XRCC3: variants seen among roughly 807,000 people sequenced by gnomAD.
XRCC3 encodes X-ray repair cross complementing 3.
Under a neutral mutation model 29.2 loss-of-function variants are expected in XRCC3, and 34 were observed. The ratio of observed to expected loss-of-function variants is 1.16; its 90% confidence interval spans 0.88 to 1.55. The LOEUF is 1.55. Among genes scored for constraint, XRCC3 ranks in the 40% most tolerant of loss-of-function variants. The pLI is 0.00. For missense variants in XRCC3, 463 were observed against 467.6 expected (o/e 0.99, Z 0.09); for synonymous variants, 223 against 211.3 (o/e 1.06, Z -0.48).
Position 103,699,156 on chromosome 14 carries a change from C to A in XRCC3, c.798G>T (p.Gln266His). 6.4e-7 allele frequency: 1 copy of A among 1,570,954 alleles called. No individual in the cohort carries two copies. Among genetic ancestry groups the A allele is most frequent in the East Asian group, 2.3e-5 (1 of 42,736 alleles). ...ACCCCAGCGGCCCGTGTGCTGCGCCCTGCTCCTCCATGGCCTCTGTCACCT... is the reference window on the plus strand; with the variant it reads ...ACCCCAGCGGCCCGTGTGCTGCGCCATGCTCCTCCATGGCCTCTGTCACCT... ...INQVTEAMEE[Q>H]GAAHGPLGFW... The change falls in exon 9 of 10, where the codon CAG (glutamine) becomes CAT (histidine). Residue 266 changes from glutamine (Q) to histidine (H), a missense_variant. Physicochemically the swap from Gln to His is conservative, Grantham distance 24. Coordinates refer to ENST00000555055, the MANE Select transcript of XRCC3 (RefSeq NM_005432.4).
intron 7 of XRCC3, chr14:103,700,841 GC>G: frequency 1.2e-6 from 1 of 844,826 alleles, no homozygotes; most frequent in Non-Finnish European, 1.8e-6. Flanking sequence ...GCTGCTAGCT[GC>G]CAGGCTGGGC....
Position 103,711,071 on chromosome 14 carries a change from A to C in XRCC3, c.17T>G (p.Leu6Arg). 1.2e-6 allele frequency: 2 copies of C among 1,614,230 alleles called. No individual in the cohort carries two copies. Among genetic ancestry groups the C allele is most frequent in the Non-Finnish European group, 1.7e-6 (2 of 1,180,030 alleles). Residue 6 changes from leucine to arginine, a missense_variant, in exon 4 of 10, where the codon CTG (leucine) becomes CGG (arginine). Leu to Arg is a moderately radical substitution (Grantham distance 102). Coordinates refer to ENST00000555055, the MANE Select transcript of XRCC3 (RefSeq NM_005432.4). ...AGCAATAATTCTGGGATTCAGGTCCAGTAGATCCAAATCCATTTTGTCGGT... is the reference window on the plus strand; with the variant it reads ...AGCAATAATTCTGGGATTCAGGTCCCGTAGATCCAAATCCATTTTGTCGGT... MDLDL[L>R]DLNPRIIAAI... is the part of the protein sequence containing the mutation.
chr14:103,708,261 A>AC lies in XRCC3; in HGVS notation c.193+260dup, dbSNP rs2083506610. ...TGCCAAATCCACCCCTGCTTCCTGCACCCCCTCCTCTGGTCCATGGAGCAA... is the reference window on the plus strand; with the variant it reads ...TGCCAAATCCACCCCTGCTTCCTGCACCCCCCTCCTCTGGTCCATGGAGCAA... On this transcript the variant is annotated intron_variant, in intron 5 of 9. Transcript: ENST00000555055. The AC allele has an allele frequency of 1.1e-5, 6 of 536,432 alleles. No individual in the cohort carries two copies. The South Asian group carries it at 1.2e-4, about 11-fold the overall frequency. 33.2% of individuals were successfully genotyped at this position (536,432 alleles called of 1,614,324 possible).
intron 6 of XRCC3, chr14:103,705,040 CAG>C (rs2083385160): frequency 6.6e-6 from 1 of 152,186 alleles, no homozygotes; most frequent in East Asian, 1.9e-4. Flanking sequence ...TTTGCTTTGA[CAG>C]AATTTCAAAC....
In XRCC3 at chr14:103,706,131, G is replaced by C. The variant is rs984049430; in HGVS notation, c.406+872C>G. The C allele has an allele frequency of 8.5e-6, 3 of 352,194 alleles. No individual in the cohort carries two copies. In the Admixed American group the frequency reaches 1.2e-4, roughly 14 times the overall value. The allele number at this position is 352,194 out of a possible 1,614,324, so 21.8% of individuals were successfully genotyped here. The stretch of plus-strand genomic sequence containing the variant: ...CCCTCCACCCGACACGGAGGCTCAG[G>C]AGACCCCTCACCCTCCACCCAGCAC... On this transcript the variant is annotated intron_variant, in intron 6 of 9. Coordinates refer to ENST00000555055, the MANE Select transcript of XRCC3 (RefSeq NM_005432.4).
chr14:103,699,466 G>C lies in XRCC3; in HGVS notation c.672C>G (p.Asp224Glu), dbSNP rs2082919894. 10 of 1,612,932 alleles carry C rather than the reference G, an allele frequency of 6.2e-6. No homozygotes were observed. Among genetic ancestry groups the C allele is most frequent in the Non-Finnish European group, 7.6e-6 (9 of 1,179,984 alleles). The part of the protein sequence containing the change: ...SVAAPFRCEF[D>E]SQASAPRARH... ...TGGCCCTGGGGGCGGAGGCCTGGCTGTCAAATTCACAGCGGAATGGGGCTG... is the reference window on the plus strand; with the variant it reads ...TGGCCCTGGGGGCGGAGGCCTGGCTCTCAAATTCACAGCGGAATGGGGCTG... The change falls in exon 8 of 10, where the codon GAC becomes GAG. Residue 224 changes from aspartate to glutamate, a missense_variant. Transcript: ENST00000555055.
intron 6 of XRCC3, chr14:103,703,763 C>G (rs2083327517): frequency 3.7e-6 from 1 of 272,910 alleles, no homozygotes; most frequent in African/African-American, 2.2e-5. Flanking sequence ...AAGGCCCCCA[C>G]TGAGCAAGCG....
intron 1 of XRCC3, among the ~76,000 whole-genome samples, chr14:103,714,724 G>C (rs1258551286): frequency 6.6e-6 from 1 of 152,116 alleles, no homozygotes. Flanking sequence ...CTGTAGCCCA[G>C]GCTGGAGTGC....
At chr14:103,712,556 C>A in intron 2 of XRCC3, 1 of 152,652 alleles carries the variant, frequency 6.6e-6, no homozygotes, top group Non-Finnish European at 1.5e-5. Flanking sequence ...GGACAGGAGG[C>A]AGCCTGGGGA....
chr14:103,711,787 C>T (rs1032831693), intron 2 of XRCC3: 17 of 446,818 alleles, frequency 3.8e-5, no homozygotes, highest in Middle Eastern at 5.2e-4. Context: ...CCTCCGGCCT[C>T]AGCAGGCTGC....
intron 2 of XRCC3, chr14:103,711,952 G>A: frequency 2.8e-6 from 1 of 351,510 alleles, no homozygotes; most frequent in Non-Finnish European, 5.6e-6. Context: ...ATGTCCTCCA[G>A]TGAGGCCTGG....
At chr14:103,700,961 T>C (rs1178668544) in intron 7 of XRCC3, among the ~76,000 whole-genome samples, 5 of 152,198 alleles carry the variant, frequency 3.3e-5, no homozygotes, top group African/African-American at 9.7e-5. Context: ...GAAGGCTCTG[T>C]GTCCACACCC....
At chr14:103,711,000 CCA>C in intron 4 of XRCC3, 31 bp downstream of exon 4, 1 of 1,611,250 alleles carries the variant, frequency 6.2e-7, no homozygotes, top group South Asian at 1.1e-5. Context: ...ACACACCCAC[CCA>C]CACCCTTTAT....
intron 2 of XRCC3, chr14:103,712,578 G>C (rs574221474): frequency 2.0e-5 from 3 of 152,514 alleles, no homozygotes; most frequent in Non-Finnish European, 4.4e-5. Context: ...TATGAACCTC[G>C]CACCTGGTAG....
At chr14:103,703,016 C>T (rs1567053766) in intron 7 of XRCC3, 157 bp downstream of exon 7, 1 of 1,164,296 alleles carries the variant, frequency 8.6e-7, no homozygotes. Flanking sequence ...CCCACCTGCT[C>T]CTCGGGCGTA....
rs1034510580 is a variant in XRCC3, at chr14:103,698,418, G to A, written c.*380C>T. ...AGGGGGTCTGAGGCCCCAGCCCAGG[G>A]GGCAGGCCTCAGACGCAACCCCAGT... On this transcript the variant is annotated 3_prime_UTR_variant, in exon 10 of 10. Transcript: ENST00000555055. 5 of 319,136 alleles carry A rather than the reference G, an allele frequency of 1.6e-5. No homozygotes were observed. The highest frequency in any genetic ancestry group is 1.4e-4 in the South Asian group (5 of 36,174). 19.8% of individuals were successfully genotyped at this position (319,136 alleles called of 1,614,324 possible). A position where few individuals can be genotyped will look rare whatever the true frequency, so the allele number is the denominator to read the frequency against.
intron 7 of XRCC3, chr14:103,701,477 T>A: frequency 2.3e-6 from 1 of 429,556 alleles, no homozygotes; most frequent in Non-Finnish European, 4.2e-6. Flanking sequence ...CATGTGTAAC[T>A]TCCTCACGTT....
chr14:103,708,721 T>C, intron 4 of XRCC3, 62 bp from the exon 5 acceptor site: 2 of 1,607,584 alleles, frequency 1.2e-6, no homozygotes, highest in Middle Eastern at 1.7e-4. Flanking sequence ...GGCAACACAG[T>C]GACAAAAGGT....
At chr14:103,703,590 C>A in intron 6 of XRCC3, 1 of 504,066 alleles carries the variant, frequency 2.0e-6, no homozygotes, top group Non-Finnish European at 3.6e-6. Flanking sequence ...CTGTCCTGGG[C>A]CCTGGGCTGG....
Sources: gnomAD v4.1 joint callset for allele counts (sites outside exome capture counted in the v4.1 genomes callset) on GRCh38, gnomAD v4.1.1 for gene constraint, MANE v1.5 for transcripts, NCBI Gene and HGNC (gene_info 2026-07-23, HGNC 2026-07-21) for gene names.